Variants in STRN observed in about 807,000 individuals in gnomAD.
STRN encodes protein phosphatase 2 regulatory subunit B'''alpha.
Under a neutral mutation model 96.3 loss-of-function variants are expected in STRN, and 53 were observed. The observed-to-expected ratio is 0.55, with a 90% CI of 0.44 to 0.69. STRN has a LOEUF of 0.69. STRN is among the 30% of genes least tolerant of loss of function. The pLI, the probability that STRN is intolerant of heterozygous loss-of-function variation, is 0.00. For synonymous variants in STRN, 428 were observed against 355.9 expected (o/e 1.20, Z -2.28); for missense variants, 987 against 963.9 (o/e 1.02, Z -0.32).
In STRN at chr2:36,888,321, T is replaced by C. The variant is rs113195374; in HGVS notation, c.932-1495A>G. On this transcript the variant is annotated intron_variant, in intron 7 of 17. Coordinates refer to ENST00000263918, the MANE Select transcript of STRN (RefSeq NM_003162.4). ...TGTAGCAGCCAAAGATGGTTTAAAATAAAAGATCGTGTCACCCTTCTTGCT... is the reference window on the plus strand; with the variant it reads ...TGTAGCAGCCAAAGATGGTTTAAAACAAAAGATCGTGTCACCCTTCTTGCT... 4.4e-3 allele frequency among the ~76,000 whole-genome samples: 675 copies of C among 152,264 alleles called. 5 individuals are homozygous for C. The highest frequency in any genetic ancestry group is 0.016 in the African/African-American group (651 of 41,548).
Position 36,916,233 on chromosome 2 carries a change from A to C in STRN, c.339-82T>G, listed in dbSNP as rs573399451. 48 of 1,206,054 alleles carry C rather than the reference A, an allele frequency of 4.0e-5. 1 individual carries two copies. The East Asian group carries it at 1.1e-3, about 28-fold the overall frequency. 74.7% of individuals were successfully genotyped at this position (1,206,054 alleles called of 1,614,324 possible). ...ACAATAGTAGTAGTCACAAGAATTC[A>C]GTAGTCCTGGCTGAACACTCCTAGA... On this transcript the variant is annotated intron_variant, in intron 2 of 17. Coordinates refer to ENST00000263918, the MANE Select transcript of STRN (RefSeq NM_003162.4).
chr2:36,903,637 C>A (rs13403113), intron 4 of STRN, among the ~76,000 whole-genome samples: 1 of 152,050 alleles, frequency 6.6e-6, no homozygotes, highest in Non-Finnish European at 1.5e-5. Context: ...CAAAGGTTGA[C>A]GAGATAACCA....
chr2:36,870,035 AC>A (rs1265169838), intron 10 of STRN, among the ~76,000 whole-genome samples: 3 of 152,212 alleles, frequency 2.0e-5, no homozygotes, highest in African/African-American at 7.2e-5. Flanking sequence ...AAGTAATTCA[AC>A]ACAAATTATA....
At chr2:36,928,404 A>G (rs1351093592) in intron 1 of STRN, among the ~76,000 whole-genome samples, 1 of 151,616 alleles carries the variant, frequency 6.6e-6, no homozygotes, top group Non-Finnish European at 1.5e-5. Context: ...GTAATCCCAG[A>G]ACTTTGGGAG....
chr2:36,858,755 T>C lies in STRN; in HGVS notation c.1670-732A>G, dbSNP rs1668410299. Among the ~76,000 whole-genome samples the C allele has an allele frequency of 1.3e-5, 2 of 152,210 alleles. 1 individual carries two copies. Among genetic ancestry groups the C allele is most frequent in the South Asian group, 4.1e-4 (2 of 4,838 alleles). On this transcript the variant is annotated intron_variant, in intron 13 of 17. Transcript: ENST00000263918. ...TATGTCTTATATCCTCTGTCACACA[T>C]ACCATAAAATATTGAAGACACACTG... is the stretch of plus-strand genomic sequence containing the variant.
intron 1 of STRN, among the ~76,000 whole-genome samples, chr2:36,962,303 T>G (rs563342029): frequency 2.4e-4 from 36 of 152,278 alleles, no homozygotes; most frequent in Admixed American, 3.9e-4. Context: ...TTGCCACCTT[T>G]TTCATACAAC....
rs6755631 is a variant in STRN, at chr2:36,881,399, A to G, written c.1186+2533T>C. Among the ~76,000 whole-genome samples, 741 of 152,272 alleles carry G rather than the reference A, an allele frequency of 4.9e-3. 6 individuals carry two copies. The highest frequency in any genetic ancestry group is 0.016 in the African/African-American group (683 of 41,576). ...CACCTCAGCCTCCCAAAGTGCTGGGATTACAGGCGTGAGCAACTAAACTGC... is the reference window on the plus strand; with the variant it reads ...CACCTCAGCCTCCCAAAGTGCTGGGGTTACAGGCGTGAGCAACTAAACTGC... On this transcript the variant is annotated intron_variant, in intron 9 of 17. Coordinates refer to ENST00000263918, the MANE Select transcript of STRN (RefSeq NM_003162.4).
chr2:36,893,836 G>C (rs1669466966), intron 7 of STRN, 62 bp downstream of exon 7: 2 of 1,523,070 alleles, frequency 1.3e-6, no homozygotes, highest in Middle Eastern at 1.7e-4. Context: ...TGCCCTCCTG[G>C]TAAAATATTA....
chr2:36,846,892 T>C lies in STRN; in HGVS notation c.*2564A>G, dbSNP rs536342637. On this transcript the variant is annotated 3_prime_UTR_variant, in exon 18 of 18. Transcript: ENST00000263918. ...GATCCAAACCTCCCGCTAATTTTCA[T>C]ACTATTCCAATACATTTCAAACAAA... is the stretch of plus-strand genomic sequence containing the variant. 1 of 152,314 alleles carries C rather than the reference T, an allele frequency of 6.6e-6. No homozygotes were observed. The highest frequency in any genetic ancestry group is 2.1e-4 in the South Asian group (1 of 4,824). The allele number at this position is 152,314 out of a possible 1,614,324, so 9.4% of individuals were successfully genotyped here.
rs376191070 is a variant in STRN at position 36,966,282 on chromosome 2, G to A, written c.182C>T (p.Ala61Val). The A allele has an allele frequency of 6.1e-5, 96 of 1,582,982 alleles. No homozygotes were observed. The highest frequency in any genetic ancestry group is 7.3e-5 in the Non-Finnish European group (85 of 1,167,168). Residue 61 changes from alanine (A) to valine (V), a missense_variant, in exon 1 of 18, where the codon GCC becomes GTC. Physicochemically the swap from Ala to Val is moderately conservative, Grantham distance 64. Coordinates refer to ENST00000263918, the MANE Select transcript of STRN (RefSeq NM_003162.4). ...GILHFLQHEW[A>V]RFEVERAQWE... Reference sequence around the variant, plus strand: ...CTGGGCTCTCTCCACCTCGAAGCGGGCCCACTCGTGCTGCAGGAAGTGCAG... The same window carrying A: ...CTGGGCTCTCTCCACCTCGAAGCGGACCCACTCGTGCTGCAGGAAGTGCAG...
chr2:36,861,731 GCACACA>G (rs59999370), intron 12 of STRN, among the ~76,000 whole-genome samples: 120,714 of 150,492 alleles, frequency 0.8, 50,413 homozygotes, highest in Non-Finnish European at 0.92. Context: ...CATTGCGTGA[GCACACA>G]CACACACACA....
chr2:36,892,704 T>C (rs1044284226), intron 7 of STRN, among the ~76,000 whole-genome samples: 4 of 152,020 alleles, frequency 2.6e-5, no homozygotes, highest in African/African-American at 9.7e-5. Context: ...GGGAAGAACA[T>C]AATATAAAAC....
At chr2:36,882,849 G>T (rs1377495953) in intron 9 of STRN, among the ~76,000 whole-genome samples, 1 of 152,052 alleles carries the variant, frequency 6.6e-6, no homozygotes, top group Non-Finnish European at 1.5e-5. Context: ...GAACCACCAG[G>T]CTCAGCCTAA....
intron 1 of STRN, among the ~76,000 whole-genome samples, chr2:36,938,286 TGTG>T (rs914026998): frequency 2.0e-5 from 3 of 151,910 alleles, no homozygotes; most frequent in African/African-American, 7.3e-5. Context: ...ATTAGCCAGG[TGTG>T]GTGATGTACA....
intron 12 of STRN, among the ~76,000 whole-genome samples, chr2:36,861,662 C>T (rs188618262): frequency 1.3e-5 from 2 of 151,744 alleles, no homozygotes; most frequent in South Asian, 2.1e-4. Flanking sequence ...AATCTCTGTG[C>T]TAAATCAAGA....
intron 1 of STRN, among the ~76,000 whole-genome samples, chr2:36,927,747 G>A (rs1670452599): frequency 6.6e-6 from 1 of 152,112 alleles, no homozygotes; most frequent in African/African-American, 2.4e-5. Flanking sequence ...TAATAATATG[G>A]TAAAAAACAG....
chr2:36,965,756 T>C (rs1177237061), intron 1 of STRN, among the ~76,000 whole-genome samples: 3 of 152,240 alleles, frequency 2.0e-5, no homozygotes, highest in Non-Finnish European at 4.4e-5. Flanking sequence ...ACTCAAGGCC[T>C]GACACAACTT....
intron 15 of STRN, 55 bp downstream of exon 15, chr2:36,855,157 A>G: frequency 6.3e-7 from 1 of 1,579,302 alleles, no homozygotes; most frequent in Non-Finnish European, 8.6e-7. Flanking sequence ...TAGTAGTCGT[A>G]ATTTTGATTA....
At chr2:36,861,031 T>C in intron 13 of STRN, 101 bp downstream of exon 13, 1 of 1,411,544 alleles carries the variant, frequency 7.1e-7, no homozygotes, top group Non-Finnish European at 9.5e-7. Flanking sequence ...TCTTTACCTA[T>C]TTATTTTCAA....
Sources: gnomAD v4.1 joint callset for allele counts (sites outside exome capture counted in the v4.1 genomes callset) on GRCh38, gnomAD v4.1.1 for gene constraint, MANE v1.5 for transcripts, NCBI Gene and HGNC (gene_info 2026-07-23, HGNC 2026-07-21) for gene names.